Variants in CACNA2D3 observed in about 807,000 individuals in gnomAD.
The protein encoded by CACNA2D3 is calcium voltage-gated channel auxiliary subunit alpha2delta 3, also known as voltage-dependent calcium channel subunit alpha-2/delta-3.
A neutral mutation model predicts 160.6 loss-of-function variants in CACNA2D3; 60 were observed. The observed-to-expected ratio is 0.37, with a 90% confidence interval of 0.30 to 0.46. The LOEUF (loss-of-function observed/expected upper bound fraction) is 0.46, where lower values mean the gene tolerates loss of function less well. Among genes scored for constraint, CACNA2D3 ranks in the 20% least tolerant of loss-of-function variants. The pLI, the probability that CACNA2D3 is intolerant of heterozygous loss-of-function variation, is 1.00. For synonymous variants in CACNA2D3, 558 were observed against 492.9 expected, an observed-to-expected ratio of 1.13 and a Z score of -1.75; for missense variants, 1,205 against 1,365.0, an observed-to-expected ratio of 0.88 and a Z score of 1.85.
chr3:54,565,317 T>G (rs1702392197), intron 6 of CACNA2D3, among the ~76,000 whole-genome samples: 1 of 152,084 alleles, frequency 6.6e-6, no homozygotes, highest in Non-Finnish European at 1.5e-5. Flanking sequence ...AAATAGAAGG[T>G]GCTGGGTGAT....
chr3:55,050,242 C>T (rs1206104844), intron 35 of CACNA2D3, among the ~76,000 whole-genome samples: 10 of 150,302 alleles, frequency 6.7e-5, no homozygotes, highest in East Asian at 2.0e-4. Context: ...CGGCTGGTAC[C>T]GGTTGTTCCT....
At chr3:55,074,020 G>GTTCT (rs1354000935) in intron 37 of CACNA2D3, 94 bp from the exon 38 acceptor site, 8 of 1,195,928 alleles carry the variant, frequency 6.7e-6, no homozygotes, top group African/African-American at 1.5e-5. Context: ...AGAAGACTTC[G>GTTCT]TTCTTACGTT....
chr3:54,298,979 A>G (rs1275729830), intron 2 of CACNA2D3, among the ~76,000 whole-genome samples: 14 of 150,456 alleles, frequency 9.3e-5, no homozygotes, highest in South Asian at 2.1e-4. Context: ...AAAAAGAAGA[A>G]GAAAGAGGAA....
chr3:54,867,117 G>A (rs1271115727), intron 17 of CACNA2D3, among the ~76,000 whole-genome samples: 2 of 152,132 alleles, frequency 1.3e-5, no homozygotes, highest in Admixed American at 6.5e-5. Flanking sequence ...TGCCATACAC[G>A]ATGCTTAGGC....
chr3:54,814,824 G>A (rs1193263269), intron 13 of CACNA2D3, among the ~76,000 whole-genome samples: 1 of 152,138 alleles, frequency 6.6e-6, no homozygotes, highest in African/African-American at 2.4e-5. Context: ...TAGAGAGAGA[G>A]AGAAAGGACA....
intron 4 of CACNA2D3, among the ~76,000 whole-genome samples, chr3:54,387,908 A>G (rs1171478923): frequency 6.6e-6 from 1 of 152,164 alleles, no homozygotes; most frequent in Non-Finnish European, 1.5e-5. Context: ...GACATAAATC[A>G]TTAAGCACAA....
intron 2 of CACNA2D3, among the ~76,000 whole-genome samples, chr3:54,168,732 G>A (rs559157511): frequency 1.3e-5 from 2 of 152,182 alleles, no homozygotes; most frequent in African/African-American, 2.4e-5. Flanking sequence ...ATTAACAACT[G>A]ATGCAAATGG....
intron 4 of CACNA2D3, among the ~76,000 whole-genome samples, chr3:54,392,973 C>G (rs1408154011): frequency 6.6e-6 from 1 of 152,202 alleles, no homozygotes; most frequent in African/African-American, 2.4e-5. Flanking sequence ...CCCCGCCACC[C>G]TGCAAAGACA....
intron 10 of CACNA2D3, among the ~76,000 whole-genome samples, chr3:54,637,491 C>G (rs1699403782): frequency 6.6e-6 from 1 of 151,794 alleles, no homozygotes; most frequent in African/African-American, 2.4e-5. Flanking sequence ...GTGGGGATAA[C>G]TAAAAAGGAG....
At chr3:54,550,015 C>T (rs1197568870) in intron 5 of CACNA2D3, among the ~76,000 whole-genome samples, 1 of 152,228 alleles carries the variant, frequency 6.6e-6, no homozygotes, top group Non-Finnish European at 1.5e-5. Context: ...TACTCTCTAA[C>T]TGGGTGTTGT....
At chr3:54,312,412 G>T (rs1223251466) in intron 2 of CACNA2D3, among the ~76,000 whole-genome samples, 1 of 152,110 alleles carries the variant, frequency 6.6e-6, no homozygotes, top group Non-Finnish European at 1.5e-5. Flanking sequence ...AGTCCACTCA[G>T]AGCCCCTCTT....
chr3:54,937,934 A>T (rs1701370435), intron 27 of CACNA2D3, among the ~76,000 whole-genome samples: 1 of 152,168 alleles, frequency 6.6e-6, no homozygotes, highest in South Asian at 2.1e-4. Context: ...TATTATTAAT[A>T]TTGAAAACCA....
chr3:54,847,328 G>A (rs968961412), intron 17 of CACNA2D3, among the ~76,000 whole-genome samples: 2 of 152,234 alleles, frequency 1.3e-5, no homozygotes, highest in African/African-American at 4.8e-5. Flanking sequence ...TTAAGAAAGT[G>A]TAGATCGTTT....
intron 2 of CACNA2D3, among the ~76,000 whole-genome samples, chr3:54,201,644 T>G (rs1259565783): frequency 6.6e-6 from 1 of 152,144 alleles, no homozygotes; most frequent in African/African-American, 2.4e-5. Flanking sequence ...TCCAGATAGA[T>G]TAAGAAAATA....
intron 27 of CACNA2D3, among the ~76,000 whole-genome samples, chr3:54,948,916 A>T (rs963753375): frequency 6.6e-6 from 1 of 152,202 alleles, no homozygotes; most frequent in Admixed American, 6.5e-5. Flanking sequence ...TTATTTGGGG[A>T]TGGTTGGAAA....
intron 8 of CACNA2D3, among the ~76,000 whole-genome samples, chr3:54,576,383 T>G (rs1702582636): frequency 6.6e-6 from 1 of 152,200 alleles, no homozygotes; most frequent in Non-Finnish European, 1.5e-5. Context: ...CCCATTTGCA[T>G]TGCTTTTAGA....
chr3:54,685,174 G>T (rs1429120739), intron 11 of CACNA2D3, among the ~76,000 whole-genome samples: 2 of 152,166 alleles, frequency 1.3e-5, no homozygotes, highest in African/African-American at 2.4e-5. Context: ...AGGCCAGAAG[G>T]TCATGGACTA....
intron 13 of CACNA2D3, among the ~76,000 whole-genome samples, chr3:54,801,617 C>T (rs755885998): frequency 3.3e-5 from 5 of 152,024 alleles, no homozygotes; most frequent in Non-Finnish European, 7.4e-5. Flanking sequence ...TTGAGATCAG[C>T]GGTGGATATT....
chr3:54,546,380 TGAA>T (rs1702064868), intron 5 of CACNA2D3, among the ~76,000 whole-genome samples: 1 of 152,226 alleles, frequency 6.6e-6, no homozygotes, highest in African/African-American at 2.4e-5. Flanking sequence ...ACACCTAACT[TGAA>T]GAAGTAGAGA....
Sources: allele counts gnomAD v4.1 joint callset (sites outside exome capture counted in the v4.1 genomes callset), GRCh38; gene constraint gnomAD v4.1.1; transcripts MANE v1.5; gene names NCBI Gene and HGNC (gene_info 2026-07-23, HGNC 2026-07-21).